Variants in ZNF717 observed in about 807,000 individuals in gnomAD.
ZNF717 encodes zinc finger protein 717.
Under a neutral mutation model 13.8 loss-of-function variants are expected in ZNF717, and 9 were observed. The observed-to-expected ratio is 0.65, with a 90% CI of 0.39 to 1.14. The LOEUF (loss-of-function observed/expected upper bound fraction) is 1.14. Ranked by LOEUF, ZNF717 falls within the 50% of genes most tolerant of loss-of-function variation. The pLI, the probability that ZNF717 is intolerant of heterozygous loss-of-function variation, is 0.01. For synonymous variants in ZNF717, 327 were observed against 364.1 expected (o/e 0.90, Z 1.16); for missense variants, 1,040 against 1,080.7 (o/e 0.96, Z 0.53).
chr3:75,696,473 C>T (rs1937604510), intron 6 of ZNF717, among the ~76,000 whole-genome samples: 1 of 144,444 alleles, frequency 6.9e-6, no homozygotes, highest in African/African-American at 2.4e-5. Flanking sequence ...CAAAAATTTG[C>T]AAAAAACCTA....
At chr3:75,706,777 A>G (rs879554425), downstream of ZNF717, among the ~76,000 whole-genome samples, 1 of 152,270 alleles carries the variant, frequency 6.6e-6, no homozygotes. Context: ...AGTGGCAGAT[A>G]GGAGTATTAA....
chr3:75,730,703 T>C, intron 5 of ZNF717: 1 of 681,794 alleles, frequency 1.5e-6, no homozygotes, highest in Non-Finnish European at 2.6e-6. Flanking sequence ...AATGAAAGGA[T>C]AACAAGGAAC....
At chr3:75,780,545 G>A (rs1944733138) in intron 2 of ZNF717, among the ~76,000 whole-genome samples, 1 of 151,468 alleles carries the variant, frequency 6.6e-6, no homozygotes, top group Non-Finnish European at 1.5e-5. Context: ...GGGACTACAG[G>A]TGCCCACCAC....
chr3:75,751,947 C>T lies in ZNF717; in HGVS notation c.58-10211G>A, dbSNP rs1422978095. Among the ~76,000 whole-genome samples, 3 of 152,012 alleles carry T rather than the reference C, an allele frequency of 2.0e-5. 1 individual carries two copies. Among genetic ancestry groups the T allele is most frequent in the African/African-American group, 7.3e-5 (3 of 41,298 alleles). On this transcript the variant is annotated intron_variant, in intron 2 of 4. Coordinates refer to ENST00000652011, the MANE Select transcript of ZNF717 (RefSeq NM_001290208.3). The stretch of plus-strand genomic sequence containing the variant: ...CTGGGATGTGAATGTTTGTCCCTCA[C>T]ATGGGATTCCAGAACACTGTTATGA...
At chr3:75,745,799 C>CTT (rs75682145) in intron 2 of ZNF717, among the ~76,000 whole-genome samples, 1 of 144,432 alleles carries the variant, frequency 6.9e-6, no homozygotes, top group Non-Finnish European at 1.5e-5. Context: ...ACAGGGTTTT[C>CTT]TTTTTTTTTT....
At chr3:75,767,570 G>A (rs1302739196) in intron 2 of ZNF717, among the ~76,000 whole-genome samples, 9 of 152,182 alleles carry the variant, frequency 5.9e-5, no homozygotes, top group Non-Finnish European at 1.2e-4. Flanking sequence ...CAAGACTCTT[G>A]GTGAGGGCCT....
chr3:75,768,363 G>T (rs1453800946), intron 2 of ZNF717, among the ~76,000 whole-genome samples: 3 of 107,850 alleles, frequency 2.8e-5, no homozygotes, highest in East Asian at 3.3e-4. Context: ...CTGAGTGTGG[G>T]GGGGGGGGGT....
chr3:75,778,346 C>T (rs4974327), intron 2 of ZNF717, among the ~76,000 whole-genome samples: 45,245 of 146,988 alleles, frequency 0.31, 8,619 homozygotes, highest in Non-Finnish European at 0.42. Flanking sequence ...ATGGGAGTGA[C>T]GTGCTAAACC....
At chr3:75,721,446 T>A (rs2106863345) in intron 4 of ZNF717, among the ~76,000 whole-genome samples, 1 of 152,266 alleles carries the variant, frequency 6.6e-6, no homozygotes, top group African/African-American at 2.4e-5. Context: ...CACGCCTGGC[T>A]AATTTTGTAT....
At chr3:75,781,038 C>A (rs1209149343) in intron 2 of ZNF717, among the ~76,000 whole-genome samples, 1 of 152,262 alleles carries the variant, frequency 6.6e-6, no homozygotes, top group Non-Finnish European at 1.5e-5. Flanking sequence ...TTTGGCCAAT[C>A]TCTCAAAATT....
At chr3:75,697,203 T>C (rs1937613248) in intron 6 of ZNF717, among the ~76,000 whole-genome samples, 2 of 152,412 alleles carry the variant, frequency 1.3e-5, no homozygotes, top group African/African-American at 2.4e-5. Flanking sequence ...GAGAAAGCAA[T>C]AAAAGGCATC....
intron 2 of ZNF717, among the ~76,000 whole-genome samples, chr3:75,764,778 C>T (rs1000350452): frequency 9.2e-5 from 14 of 152,078 alleles, no homozygotes; most frequent in African/African-American, 3.1e-4. Context: ...AACTGAAACC[C>T]TTGTACACTG....
At chr3:75,753,627 A>G (rs1575855255) in intron 2 of ZNF717, among the ~76,000 whole-genome samples, 1 of 87,482 alleles carries the variant, frequency 1.1e-5, no homozygotes. Flanking sequence ...GAACACTGCT[A>G]CGAGGGTCTG....
intron 2 of ZNF717, among the ~76,000 whole-genome samples, chr3:75,744,664 G>A (rs1334157058): frequency 6.6e-6 from 1 of 152,212 alleles, no homozygotes; most frequent in Non-Finnish European, 1.5e-5. Flanking sequence ...CGGGGAGGGG[G>A]CACAATACTG....
chr3:75,758,593 T>C (rs1942700957), intron 2 of ZNF717, among the ~76,000 whole-genome samples: 1 of 152,142 alleles, frequency 6.6e-6, no homozygotes. Flanking sequence ...AGATCATTCT[T>C]TTGTGAAAGG....
chr3:75,740,630 G>T (rs75165596), intron 4 of ZNF717, among the ~76,000 whole-genome samples: 2 of 107,154 alleles, frequency 1.9e-5, no homozygotes, highest in Non-Finnish European at 4.2e-5. Context: ...CCAGAAGTTC[G>T]AGACCAGCCT....
chr3:75,743,553 C>G (rs1940743043), intron 2 of ZNF717, among the ~76,000 whole-genome samples: 1 of 152,128 alleles, frequency 6.6e-6, no homozygotes, highest in East Asian at 1.9e-4. Context: ...AGTTACATGA[C>G]AATATTGGCA....
At chr3:75,764,230 C>T (rs1943253345) in intron 2 of ZNF717, among the ~76,000 whole-genome samples, 1 of 152,182 alleles carries the variant, frequency 6.6e-6, no homozygotes, top group Non-Finnish European at 1.5e-5. Context: ...ACACGAGCTA[C>T]ATGTAGGTTC....
chr3:75,759,772 T>C (rs893023984), intron 2 of ZNF717, among the ~76,000 whole-genome samples: 2 of 151,324 alleles, frequency 1.3e-5, no homozygotes, highest in African/African-American at 4.9e-5. Flanking sequence ...TTTCACCATG[T>C]TGGCCAGGCT....
Sources: allele counts gnomAD v4.1 joint callset (sites outside exome capture counted in the v4.1 genomes callset), GRCh38; gene constraint gnomAD v4.1.1; transcripts MANE v1.5; gene names NCBI Gene and HGNC (gene_info 2026-07-23, HGNC 2026-07-21).